ATP6V0A4: variants seen among roughly 807,000 people sequenced by gnomAD.
ATP6V0A4 encodes V-type proton ATPase 116 kDa subunit a 4.
Under a neutral mutation model 107.3 loss-of-function variants are expected in ATP6V0A4, and 86 were observed. That is an observed-to-expected ratio of 0.80 (90% CI 0.67 to 0.96). ATP6V0A4 has a LOEUF of 0.96. Ranked by LOEUF, ATP6V0A4 falls within the 40% of genes least tolerant of loss-of-function variation. The pLI, the probability that ATP6V0A4 is intolerant of heterozygous loss-of-function variation, is 0.00. For synonymous variants in ATP6V0A4, 353 were observed against 381.4 expected, an observed-to-expected ratio of 0.93 and a Z score of 0.87; for missense variants, 908 against 1,045.6, an observed-to-expected ratio of 0.87 and a Z score of 1.81.
At chr7:138,733,428 A>G (rs1805133047) in intron 16 of ATP6V0A4, among the ~76,000 whole-genome samples, 1 of 152,118 alleles carries the variant, frequency 6.6e-6, no homozygotes, top group Non-Finnish European at 1.5e-5. Flanking sequence ...AGAGTTGCAC[A>G]TTTAAAGGCA....
intron 17 of ATP6V0A4, among the ~76,000 whole-genome samples, chr7:138,729,089 C>G (rs1804859826): frequency 6.6e-6 from 1 of 152,174 alleles, no homozygotes; most frequent in Non-Finnish European, 1.5e-5. Context: ...ACTGGAAACT[C>G]TCTGTATTCC....
rs1298874436 is a variant in ATP6V0A4, at chr7:138,737,127, TG to T, written c.1572+2412del. Among the ~76,000 whole-genome samples the T allele has an allele frequency of 3.8e-3, 489 of 128,736 alleles. 1 individual carries two copies. The highest frequency in any genetic ancestry group is 5.4e-3 in the East Asian group (17 of 3,138). The allele number at this position is 128,736 out of a possible 152,430, so 84.5% of individuals were successfully genotyped here. ...GTAAGCCCTTATTAATATATATATA[TG>T]ATACAAACTAACATAGGCACAGACA... On this transcript the variant is annotated intron_variant, in intron 15 of 21. Transcript: ENST00000310018.
At chr7:138,731,916 A>G (rs1257618784) in intron 17 of ATP6V0A4, among the ~76,000 whole-genome samples, 2 of 150,362 alleles carry the variant, frequency 1.3e-5, no homozygotes, top group East Asian at 3.9e-4. Context: ...AAATAAATAA[A>G]TAAATAAATA....
At chr7:138,745,943 C>CAAAA (rs1185253786) in intron 13 of ATP6V0A4, among the ~76,000 whole-genome samples, 20 of 72,284 alleles carry the variant, frequency 2.8e-4, no homozygotes, top group African/African-American at 4.7e-4. Flanking sequence ...GACTCTGTCT[C>CAAAA]AAAAAAAAAA....
At chr7:138,736,478 G>A (rs954447292) in intron 15 of ATP6V0A4, among the ~76,000 whole-genome samples, 6 of 152,144 alleles carry the variant, frequency 3.9e-5, no homozygotes, top group African/African-American at 1.4e-4. Flanking sequence ...CATTTACCAC[G>A]TTTGTGCATA....
rs75787221 is a variant in ATP6V0A4 at position 138,748,967 on chromosome 7, G to A, written c.1180+200C>T. 0.024 allele frequency among the ~76,000 whole-genome samples: 3,630 copies of A among 152,178 alleles called. 58 individuals carry two copies. Among genetic ancestry groups the A allele is most frequent in the Non-Finnish European group, 0.037 (2,501 of 67,990 alleles). ...TCGGCATTTATAGACGACACCACAG[G>A]GTATTACGAAACCAAGGAGGATTTT... On this transcript the variant is annotated intron_variant, in intron 12 of 21. Transcript: ENST00000310018.
At chr7:138,735,952 C>T (rs1023171837) in intron 15 of ATP6V0A4, among the ~76,000 whole-genome samples, 9 of 81,426 alleles carry the variant, frequency 1.1e-4, no homozygotes, top group Non-Finnish European at 2.0e-4. Context: ...CCTGTAATCC[C>T]AGCTACTCAG....
intron 7 of ATP6V0A4, 145 bp from the exon 8 acceptor site, chr7:138,760,023 T>G (rs1806722506): frequency 6.8e-7 from 1 of 1,471,664 alleles, no homozygotes; most frequent in Non-Finnish European, 9.2e-7. Flanking sequence ...TCTACCGACA[T>G]GAGTCCCAAG....
Position 138,755,784 on chromosome 7 carries a change from T to C in ATP6V0A4, c.723-2A>G. 2 of 1,612,462 alleles carry C rather than the reference T, an allele frequency of 1.2e-6. No homozygotes were observed. The highest frequency in any genetic ancestry group is 1.7e-6 in the Non-Finnish European group (2 of 1,179,994). Reference sequence around the variant, plus strand: ...CAAGGGTAGACAGTGGCTCGAAACCTGTGTTTAATATATTCCAAAGGAAAC... The same window carrying C: ...CAAGGGTAGACAGTGGCTCGAAACCCGTGTTTAATATATTCCAAAGGAAAC... On this transcript the variant is annotated splice_acceptor_variant, in intron 9 of 21. Coordinates refer to ENST00000310018, the MANE Select transcript of ATP6V0A4 (RefSeq NM_020632.3). LOFTEE classifies it high-confidence loss of function.
At chr7:138,709,400 A>G (rs566775687) in intron 21 of ATP6V0A4, among the ~76,000 whole-genome samples, 6 of 152,082 alleles carry the variant, frequency 3.9e-5, no homozygotes, top group Admixed American at 3.3e-4. Context: ...GAGAGTCTGA[A>G]TAAGTATGAA....
intron 13 of ATP6V0A4, 129 bp from the exon 14 acceptor site, chr7:138,745,409 A>G: frequency 7.4e-7 from 1 of 1,359,122 alleles, no homozygotes. Context: ...TGACCACAGC[A>G]GACATCAATC....
At chr7:138,710,268 T>G (rs1803674419) in intron 20 of ATP6V0A4, among the ~76,000 whole-genome samples, 1 of 151,500 alleles carries the variant, frequency 6.6e-6, no homozygotes, top group African/African-American at 2.4e-5. Flanking sequence ...CTTGGCTCAC[T>G]GCAACCTCTA....
chr7:138,755,868 T>C, intron 9 of ATP6V0A4, 86 bp from the exon 10 acceptor site: 1 of 1,559,148 alleles, frequency 6.4e-7, no homozygotes, highest in South Asian at 1.2e-5. Context: ...CATCGTTTGC[T>C]GACTTTAGTT....
intron 2 of ATP6V0A4, among the ~76,000 whole-genome samples, chr7:138,781,512 A>G (rs182728065): frequency 1.3e-3 from 192 of 152,218 alleles, no homozygotes; most frequent in African/African-American, 4.3e-3. Context: ...TTGTACTTTT[A>G]GTAGACACGG....
intron 15 of ATP6V0A4, among the ~76,000 whole-genome samples, chr7:138,734,950 A>T (rs889816466): frequency 1.3e-4 from 20 of 152,182 alleles, no homozygotes; most frequent in Admixed American, 9.2e-4. Flanking sequence ...TTCGCATTAC[A>T]AAGCATTTCC....
intron 2 of ATP6V0A4, among the ~76,000 whole-genome samples, chr7:138,781,407 T>C (rs1416708956): frequency 6.6e-6 from 1 of 152,106 alleles, no homozygotes; most frequent in Non-Finnish European, 1.5e-5. Flanking sequence ...CTTGGCTCGC[T>C]GCAGCCTCCA....
intron 15 of ATP6V0A4, among the ~76,000 whole-genome samples, chr7:138,737,897 G>A (rs111536639): frequency 0.029 from 4,371 of 151,958 alleles, 200 homozygotes; most frequent in African/African-American, 0.1. Flanking sequence ...AAGTAGCTGG[G>A]ACTACTGGTG....
At chr7:138,783,802 C>A (rs1370202193) in intron 2 of ATP6V0A4, among the ~76,000 whole-genome samples, 1 of 152,138 alleles carries the variant, frequency 6.6e-6, no homozygotes, top group African/African-American at 2.4e-5. Flanking sequence ...CTCTTTGAAC[C>A]ATGACATCTT....
chr7:138,784,229 T>C (rs1408814000), intron 2 of ATP6V0A4, among the ~76,000 whole-genome samples: 1 of 45,488 alleles, frequency 2.2e-5, no homozygotes, highest in Non-Finnish European at 3.7e-5. Context: ...TATATATATA[T>C]ATATACGTAT....
Sources: allele counts gnomAD v4.1 joint callset (sites outside exome capture counted in the v4.1 genomes callset), GRCh38; gene constraint gnomAD v4.1.1; transcripts MANE v1.5; gene names NCBI Gene and HGNC (gene_info 2026-07-23, HGNC 2026-07-21).